MID1: variants seen among roughly 807,000 people sequenced by gnomAD.
MID1 encodes the protein midline 1, also known as E3 ubiquitin-protein ligase Midline-1.
In MID1, 7 loss-of-function variants were observed where a neutral mutation model predicts 40.4. The observed-to-expected ratio is 0.17, with a 90% CI of 0.10 to 0.33. MID1 has a LOEUF of 0.33. Among genes scored for constraint, MID1 ranks in the 10% least tolerant of loss-of-function variants. The probability of loss-of-function intolerance (pLI) is 1.00; values close to 1 mark genes in which losing one functional copy is unlikely to be tolerated. For synonymous variants in MID1, 229 were observed against 221.2 expected (o/e 1.04, Z -0.31); for missense variants, 367 against 558.5 (o/e 0.66, Z 3.46).
intron 1 of MID1, among the ~76,000 whole-genome samples, chrX:10,727,026 C>G (rs1337548709): frequency 8.8e-6 from 1 of 113,157 alleles, no homozygotes; most frequent in African/African-American, 3.2e-5. Context: ...AGAACAAAGT[C>G]TTCAGTCAAA....
At chrX:10,617,660 G>A (rs1393810297) in intron 1 of MID1, among the ~76,000 whole-genome samples, 1 of 112,059 alleles carries the variant, frequency 8.9e-6, no homozygotes, top group South Asian at 3.8e-4. Context: ...CTTCTTGTGT[G>A]TAGGGACAAT....
intron 3 of MID1, among the ~76,000 whole-genome samples, chrX:10,517,644 A>G (rs1407756825): frequency 3.6e-5 from 4 of 112,264 alleles, no homozygotes; most frequent in Non-Finnish European, 7.5e-5. Context: ...TAGTTCCTAC[A>G]GATCCTTCCT....
chrX:10,683,667 C>G (rs1042462722), intron 1 of MID1, among the ~76,000 whole-genome samples: 2 of 109,045 alleles, frequency 1.8e-5, no homozygotes, highest in African/African-American at 6.7e-5. Flanking sequence ...AACACACAAG[C>G]AAGTACTCTG....
chrX:10,521,117 T>TGGGA (rs373584391), intron 3 of MID1, among the ~76,000 whole-genome samples: 1 of 40,575 alleles, frequency 2.5e-5, no homozygotes, highest in African/African-American at 1.0e-4. Context: ...AGAGTGTGTA[T>TGGGA]GGGAGGGGGG....
chrX:10,570,971 G>A (rs778899673), intron 1 of MID1, among the ~76,000 whole-genome samples: 1 of 93,686 alleles, frequency 1.1e-5, no homozygotes, highest in African/African-American at 3.4e-5. Flanking sequence ...AAGGATGGCG[G>A]AGCAAGACTT....
At chrX:10,785,675 C>T (rs1260729980) in intron 1 of MID1, among the ~76,000 whole-genome samples, 6 of 110,940 alleles carry the variant, frequency 5.4e-5, no homozygotes, top group Non-Finnish European at 9.4e-5. Context: ...TATCTACAAC[C>T]ATCTGATCTT....
intron 1 of MID1, among the ~76,000 whole-genome samples, chrX:10,672,699 G>C (rs1301445072): frequency 9.0e-6 from 1 of 111,153 alleles, no homozygotes; most frequent in Non-Finnish European, 1.9e-5. Context: ...AAATAAATTT[G>C]TGTTGTTTAA....
chrX:10,715,451 G>A (rs1218621583), intron 1 of MID1, among the ~76,000 whole-genome samples: 3 of 112,080 alleles, frequency 2.7e-5, no homozygotes, highest in Non-Finnish European at 5.6e-5. Context: ...CTCATTGCTA[G>A]CACAGCAGTC....
At chrX:10,726,964 T>C (rs987517767) in intron 1 of MID1, among the ~76,000 whole-genome samples, 2 of 112,746 alleles carry the variant, frequency 1.8e-5, no homozygotes, top group Non-Finnish European at 3.7e-5. Context: ...CTAGCAAATA[T>C]TCCAAGACTA....
chrX:10,573,182 T>G (rs1240382577), intron 1 of MID1, among the ~76,000 whole-genome samples: 3 of 112,688 alleles, frequency 2.7e-5, no homozygotes, highest in Non-Finnish European at 5.6e-5. Context: ...TGCTGGAAAA[T>G]AATGATGTAA....
intron 9 of MID1, among the ~76,000 whole-genome samples, chrX:10,454,433 TAAC>T (rs2147259393): frequency 8.9e-6 from 1 of 112,417 alleles, no homozygotes; most frequent in Admixed American, 9.4e-5. Context: ...GATTCTCTCT[TAAC>T]TACTCGATTC....
At chrX:10,539,625 A>C (rs762301840) in intron 2 of MID1, among the ~76,000 whole-genome samples, 1 of 112,848 alleles carries the variant, frequency 8.9e-6, no homozygotes, top group Non-Finnish European at 1.9e-5. Context: ...CTTCATGATT[A>C]AAGTTGATTA....
At chrX:10,609,797 A>C (rs2147531086) in intron 1 of MID1, among the ~76,000 whole-genome samples, 1 of 101,785 alleles carries the variant, frequency 9.8e-6, no homozygotes, top group Admixed American at 1.1e-4. Flanking sequence ...GGCTCACTGC[A>C]AGCTCCGCCT....
intron 1 of MID1, among the ~76,000 whole-genome samples, chrX:10,778,023 G>C (rs1439004791): frequency 1.8e-5 from 2 of 111,199 alleles, no homozygotes; most frequent in Non-Finnish European, 3.8e-5. Flanking sequence ...GCCTAAGGCT[G>C]TTTTACAGTT....
intron 3 of MID1, among the ~76,000 whole-genome samples, chrX:10,518,863 C>A (rs1371062030): frequency 8.9e-6 from 1 of 111,801 alleles, no homozygotes; most frequent in Non-Finnish European, 1.9e-5. Flanking sequence ...AAGTCCACTA[C>A]AATCAATTCA....
chrX:10,497,426 C>T (rs1931313288), intron 3 of MID1, among the ~76,000 whole-genome samples: 1 of 112,021 alleles, frequency 8.9e-6, no homozygotes, highest in African/African-American at 3.2e-5. Flanking sequence ...TGATCACTCT[C>T]AGTATCTGAT....
Position 10,660,131 on chromosome X carries a change from G to A in MID1, c.-186-39712C>T, listed in dbSNP as rs774928372. The stretch of plus-strand genomic sequence containing the variant: ...CCAAAGCTGGTTCTCACAGAGCAAA[G>A]GAAAGATGGGCTGTGCAAATAAAAC... On this transcript the variant is annotated intron_variant, in intron 1 of 10. Transcript: ENST00000380785. Among the ~76,000 whole-genome samples, 67 of 112,177 alleles carry A rather than the reference G, an allele frequency of 6.0e-4. 1 individual carries two copies. Among genetic ancestry groups the A allele is most frequent in the Admixed American group, 2.0e-3 (21 of 10,594 alleles).
chrX:10,752,279 G>A (rs2043604917), intron 1 of MID1, among the ~76,000 whole-genome samples: 1 of 111,914 alleles, frequency 8.9e-6, no homozygotes, highest in African/African-American at 3.2e-5. Flanking sequence ...TACCAGCAGA[G>A]TTTGGAAATA....
chrX:10,524,263 A>G (rs1263224467), intron 2 of MID1, among the ~76,000 whole-genome samples: 1 of 111,754 alleles, frequency 8.9e-6, no homozygotes, highest in Non-Finnish European at 1.9e-5. Flanking sequence ...AGACTCACTA[A>G]GATTTCTCTG....
Sources: gnomAD v4.1 joint callset for allele counts (sites outside exome capture counted in the v4.1 genomes callset) on GRCh38, gnomAD v4.1.1 for gene constraint, MANE v1.5 for transcripts, NCBI Gene and HGNC (gene_info 2026-07-23, HGNC 2026-07-21) for gene names.